STXBP6: variants seen among roughly 807,000 people sequenced by gnomAD.
The protein encoded by STXBP6 is syntaxin binding protein 6, also known as syntaxin-binding protein 6.
Under a neutral mutation model 26.9 loss-of-function variants are expected in STXBP6, and 21 were observed. The ratio of observed to expected loss-of-function variants is 0.78; its 90% CI spans 0.55 to 1.12. The LOEUF (loss-of-function observed/expected upper bound fraction) is 1.12. STXBP6 is among the 50% of genes most tolerant of loss of function. STXBP6 has a pLI of 0.00. For missense variants in STXBP6, 232 were observed against 257.9 expected, an observed-to-expected ratio of 0.90 and a Z score of 0.69; for synonymous variants, 97 against 92.6, an observed-to-expected ratio of 1.05 and a Z score of -0.27.
At chr14:24,850,292 C>A (rs928106994) in intron 4 of STXBP6, among the ~76,000 whole-genome samples, 1 of 152,002 alleles carries the variant, frequency 6.6e-6, no homozygotes, top group African/African-American at 2.4e-5. Flanking sequence ...TACCAATCAG[C>A]AGGGGCAAGT....
intron 2 of STXBP6, among the ~76,000 whole-genome samples, chr14:24,933,779 T>C (rs528289829): frequency 6.6e-6 from 1 of 152,160 alleles, no homozygotes; most frequent in Non-Finnish European, 1.5e-5. Flanking sequence ...CAGTTTTCAA[T>C]TGTATCCTAC....
At position 24,825,118 on chromosome 14, in the gene STXBP6, G is replaced by A. The variant is rs71405873; in HGVS notation, c.452-5924C>T. ...TGTAAACTGAATGAAAAGGAGGTAC[G>A]GGTGAGAGCAGGAGAGGTATGGTAT... is the stretch of plus-strand genomic sequence containing the variant. On this transcript the variant is annotated intron_variant, in intron 4 of 5. Coordinates refer to ENST00000323944, the MANE Select transcript of STXBP6 (RefSeq NM_001394410.1). Among the ~76,000 whole-genome samples the A allele has an allele frequency of 2.7e-3, 411 of 152,282 alleles. 1 individual carries two copies. Among genetic ancestry groups the A allele is most frequent in the Non-Finnish European group, 3.0e-3 (207 of 68,020 alleles).
intron 1 of STXBP6, among the ~76,000 whole-genome samples, chr14:24,990,921 TGGAGGAGAGAGCAGA>T (rs1458334848): frequency 3.1e-4 from 43 of 139,484 alleles, no homozygotes; most frequent in African/African-American, 9.2e-4. Context: ...GGGGAGAGGA[TGGAGGAGAGAGCAGA>T]GGAGGAGAGA....
At chr14:24,972,928 G>A (rs2073942020) in intron 2 of STXBP6, among the ~76,000 whole-genome samples, 1 of 152,146 alleles carries the variant, frequency 6.6e-6, no homozygotes, top group Admixed American at 6.6e-5. Context: ...ACCAGCCTAG[G>A]CAACAGAGTG....
intron 5 of STXBP6, chr14:24,817,758 T>C (rs536255017): frequency 8.6e-5 from 23 of 268,078 alleles, no homozygotes; most frequent in African/African-American, 4.9e-4. Flanking sequence ...AGCAGCAATC[T>C]GAGGCTCTGG....
chr14:24,873,991 T>C (rs768357752), intron 2 of STXBP6, among the ~76,000 whole-genome samples: 3 of 152,202 alleles, frequency 2.0e-5, no homozygotes, highest in Non-Finnish European at 4.4e-5. Context: ...CCCTTCGTTG[T>C]CAATTCTGCT....
chr14:24,855,230 C>T (rs951117207), intron 4 of STXBP6, among the ~76,000 whole-genome samples: 3 of 152,066 alleles, frequency 2.0e-5, no homozygotes, highest in African/African-American at 4.8e-5. Flanking sequence ...TTTTTAAAAA[C>T]AGTCTTTCAA....
At chr14:24,990,322 G>A (rs1053688083) in intron 1 of STXBP6, among the ~76,000 whole-genome samples, 4 of 152,116 alleles carry the variant, frequency 2.6e-5, no homozygotes, top group African/African-American at 4.8e-5. Flanking sequence ...AGAAAGGCCC[G>A]ACTTAGGAAG....
rs574855312 is a variant in STXBP6, at chr14:24,950,719, T to A, written c.154+23946A>T. 3.7e-4 allele frequency among the ~76,000 whole-genome samples: 57 copies of A among 152,256 alleles called. 1 individual carries two copies. In the South Asian group the frequency reaches 0.011, roughly 28 times the overall value. On this transcript the variant is annotated intron_variant, in intron 2 of 5. Coordinates refer to ENST00000323944, the MANE Select transcript of STXBP6 (RefSeq NM_001394410.1). Reference sequence around the variant, plus strand: ...TTTATCTTCTAGTACACATTGAGCTTCTCTAGACACAAAACTATTTAAAAA... The same window carrying A: ...TTTATCTTCTAGTACACATTGAGCTACTCTAGACACAAAACTATTTAAAAA...
At chr14:24,981,128 T>C (rs185473445) in intron 1 of STXBP6, among the ~76,000 whole-genome samples, 1 of 152,378 alleles carries the variant, frequency 6.6e-6, no homozygotes. Flanking sequence ...AAAGCCCTAG[T>C]AATGAATCAT....
chr14:24,957,994 T>C (rs576527623), intron 2 of STXBP6, among the ~76,000 whole-genome samples: 2 of 151,966 alleles, frequency 1.3e-5, no homozygotes, highest in Non-Finnish European at 2.9e-5. Context: ...CAGGAAAGAG[T>C]GATGCAACTT....
chr14:25,013,641 T>C (rs1021763780), intron 1 of STXBP6, among the ~76,000 whole-genome samples: 17 of 151,868 alleles, frequency 1.1e-4, no homozygotes, highest in African/African-American at 4.1e-4. Context: ...TAGAGGAATA[T>C]GTTAAACAGA....
intron 2 of STXBP6, among the ~76,000 whole-genome samples, chr14:24,892,383 C>A (rs1284061551): frequency 1.3e-5 from 2 of 151,980 alleles, no homozygotes; most frequent in African/African-American, 2.4e-5. Context: ...ATGTATCTAG[C>A]GAGCTATTCT....
chr14:25,049,364 G>A lies in STXBP6; in HGVS notation c.-33+514C>T. On this transcript the variant is annotated intron_variant, in intron 1 of 5. Transcript: ENST00000323944. The surrounding 1 kb of genome is among the most constrained non-coding windows in gnomAD (Gnocchi z 5.6). The stretch of plus-strand genomic sequence containing the variant: ...TGGGGGCAGGGTGCCGTGCCCGCCA[G>A]AAAAGCTCGCCTCAGTTTTGGCAGT... 1 of 985,466 alleles carries A rather than the reference G, an allele frequency of 1.0e-6. No individual in the cohort carries two copies. The allele number at this position is 985,466 out of a possible 1,614,324, so 61.0% of individuals were successfully genotyped here.
chr14:24,921,409 T>C (rs1045861609), intron 2 of STXBP6, among the ~76,000 whole-genome samples: 7 of 152,134 alleles, frequency 4.6e-5, no homozygotes, highest in African/African-American at 1.4e-4. Context: ...GAAGTGCAAT[T>C]TTACTAAAAC....
chr14:24,964,028 T>C (rs1037448813), intron 2 of STXBP6, among the ~76,000 whole-genome samples: 10 of 132,822 alleles, frequency 7.5e-5, no homozygotes, highest in Non-Finnish European at 1.6e-4. Context: ...TAATCCAGAG[T>C]GAACGTGTGA....
chr14:24,858,181 A>C (rs1461643), intron 2 of STXBP6, among the ~76,000 whole-genome samples: 3 of 152,112 alleles, frequency 2.0e-5, no homozygotes, highest in South Asian at 4.1e-4. Flanking sequence ...AACAGATGGC[A>C]AAAAGAATTC....
At chr14:24,839,780 C>T (rs961595604) in intron 4 of STXBP6, among the ~76,000 whole-genome samples, 1 of 152,096 alleles carries the variant, frequency 6.6e-6, no homozygotes, top group Non-Finnish European at 1.5e-5. Flanking sequence ...AATGAGAAAA[C>T]TGAGGGTCAG....
chr14:24,940,293 T>C (rs551438853), intron 2 of STXBP6, among the ~76,000 whole-genome samples: 1 of 152,216 alleles, frequency 6.6e-6, no homozygotes, highest in Non-Finnish European at 1.5e-5. Context: ...CTTACCCTTC[T>C]GTGGGAACAG....
Sources: allele counts gnomAD v4.1 joint callset (sites outside exome capture counted in the v4.1 genomes callset), GRCh38; gene constraint gnomAD v4.1.1; non-coding constraint Gnocchi (gnomAD v3.1); transcripts MANE v1.5; gene names NCBI Gene and HGNC (gene_info 2026-07-23, HGNC 2026-07-21).